The following GRID2 variants were observed in gnomAD, a reference collection of about 807,000 sequenced individuals.
The protein encoded by GRID2 is glutamate receptor ionotropic, delta-2.
Under a neutral mutation model 114.8 loss-of-function variants are expected in GRID2, and 33 were observed. The ratio of observed to expected loss-of-function variants is 0.29; its 90% CI spans 0.22 to 0.38. The LOEUF is 0.38. GRID2 is among the 10% of genes least tolerant of loss of function. The probability of loss-of-function intolerance (pLI) is 1.00; values close to 1 mark genes in which losing one functional copy is unlikely to be tolerated. For missense variants in GRID2, 1,184 were observed against 1,257.7 expected (o/e 0.94, Z 0.89); for synonymous variants, 505 against 449.9 (o/e 1.12, Z -1.55).
intron 2 of GRID2, among the ~76,000 whole-genome samples, chr4:93,072,546 AGTACTCTTGG>A (rs1003393508): frequency 1.5e-4 from 23 of 152,182 alleles, no homozygotes; most frequent in African/African-American, 5.5e-4. Context: ...GACCAGGCAT[AGTACTCTTGG>A]GCTTTAAGCA....
At chr4:93,775,127 T>C (rs547867170), downstream of GRID2, among the ~76,000 whole-genome samples, 22 of 136,090 alleles carry the variant, frequency 1.6e-4, no homozygotes, top group African/African-American at 5.5e-4. Context: ...AAAATGTATT[T>C]TGAAAACATA....
intron 2 of GRID2, among the ~76,000 whole-genome samples, chr4:92,949,859 G>C (rs1751902211): frequency 6.6e-6 from 1 of 151,906 alleles, no homozygotes; most frequent in African/African-American, 2.4e-5. Flanking sequence ...TTTTCTATCT[G>C]ATACTCTTCA....
intron 2 of GRID2, among the ~76,000 whole-genome samples, chr4:93,011,274 C>G (rs1200111248): frequency 1.3e-5 from 2 of 151,592 alleles, no homozygotes; most frequent in Non-Finnish European, 2.9e-5. Flanking sequence ...ATTTTCTGTT[C>G]ATTTTGAGGT....
chr4:93,742,909 C>T (rs1163975024), intron 14 of GRID2, among the ~76,000 whole-genome samples: 2 of 152,184 alleles, frequency 1.3e-5, no homozygotes, highest in East Asian at 3.8e-4. Flanking sequence ...ACACATGTCT[C>T]TCTCTTGAAT....
chr4:93,270,609 C>T (rs898415217), intron 8 of GRID2, among the ~76,000 whole-genome samples: 2 of 151,816 alleles, frequency 1.3e-5, no homozygotes, highest in Non-Finnish European at 2.9e-5. Context: ...GTATTTTCTT[C>T]TTCTTGTTTT....
intron 1 of GRID2, among the ~76,000 whole-genome samples, chr4:92,409,526 T>C (rs1464430950): frequency 6.6e-6 from 1 of 152,172 alleles, no homozygotes; most frequent in Non-Finnish European, 1.5e-5. Flanking sequence ...TAGGTAAATT[T>C]ATAAGTCACC....
Position 93,227,351 on chromosome 4 carries a change from C to A in GRID2, c.1125+2576C>A, listed in dbSNP as rs558858777. 3.3e-5 allele frequency among the ~76,000 whole-genome samples: 5 copies of A among 152,194 alleles called. No individual in the cohort carries two copies. In the East Asian group the frequency reaches 7.7e-4, roughly 24 times the overall value. On this transcript the variant is annotated intron_variant, in intron 7 of 15. Transcript: ENST00000282020. ...CAAGTGATTCTCCAGCCCCAGCCTC[C>A]TGAGTAGCTGGGACTACAGCCACAT...
In GRID2 at chr4:93,395,634, C is replaced by A. The variant is rs1425332559; in HGVS notation, c.1273C>A (p.Leu425Met). ...TGGTTGCTGGAATCCTGTCACAGGT[C>A]TGAATGGGTCACTGACTGACAAGAA... ...KLGCWNPVTG[L>M]NGSLTDKKLE... The change falls in exon 9 of 16, where the codon CTG becomes ATG. Residue 425 changes from leucine to methionine, a missense_variant. This residue lies in a region of GRID2 where 717 missense variants were observed against 796.9 expected (regional missense o/e 0.90). Transcript: ENST00000282020. 6.3e-7 allele frequency: 1 copy of A among 1,577,450 alleles called. No homozygotes were observed. Among genetic ancestry groups the A allele is most frequent in the Non-Finnish European group, 8.7e-7 (1 of 1,147,366 alleles).
At chr4:93,218,103 C>T (rs1389517637) in intron 6 of GRID2, among the ~76,000 whole-genome samples, 2 of 151,992 alleles carry the variant, frequency 1.3e-5, no homozygotes, top group Non-Finnish European at 2.9e-5. Flanking sequence ...TGCCATTTAT[C>T]CAACCATTTC....
intron 2 of GRID2, among the ~76,000 whole-genome samples, chr4:92,940,051 T>C (rs972451027): frequency 6.8e-6 from 1 of 147,224 alleles, no homozygotes; most frequent in African/African-American, 2.4e-5. Flanking sequence ...CGATGCAGGC[T>C]CTTTTTTGGT....
At chr4:92,884,062 A>T (rs1344688064) in intron 2 of GRID2, among the ~76,000 whole-genome samples, 1 of 152,186 alleles carries the variant, frequency 6.6e-6, no homozygotes, top group Non-Finnish European at 1.5e-5. Flanking sequence ...TATCTACACT[A>T]AAAATCGGTT....
At chr4:92,747,223 A>T (rs1737193963) in intron 2 of GRID2, among the ~76,000 whole-genome samples, 1 of 152,076 alleles carries the variant, frequency 6.6e-6, no homozygotes, top group Admixed American at 6.6e-5. Context: ...GTAATTATTT[A>T]TAAAAAAAGA....
intron 2 of GRID2, among the ~76,000 whole-genome samples, chr4:93,009,565 A>C (rs1257605757): frequency 3.3e-5 from 5 of 152,124 alleles, no homozygotes; most frequent in African/African-American, 1.2e-4. Context: ...TTGTGGGGCC[A>C]AAATCAGTAA....
intron 12 of GRID2, among the ~76,000 whole-genome samples, chr4:93,512,342 G>A (rs1729274999): frequency 6.6e-6 from 1 of 152,264 alleles, no homozygotes; most frequent in Non-Finnish European, 1.5e-5. Flanking sequence ...ATAGGCTACA[G>A]CATTTCTGCT....
chr4:92,836,814 A>G (rs1390750499), intron 2 of GRID2, among the ~76,000 whole-genome samples: 2 of 152,178 alleles, frequency 1.3e-5, no homozygotes, highest in African/African-American at 4.8e-5. Context: ...CACATAGACT[A>G]CAAAATAGTC....
intron 11 of GRID2, among the ~76,000 whole-genome samples, chr4:93,473,566 C>G (rs1725043446): frequency 1.3e-5 from 2 of 151,938 alleles, no homozygotes; most frequent in Non-Finnish European, 1.5e-5. Context: ...TAAAAATTAC[C>G]TAAATCATTT....
intron 1 of GRID2, among the ~76,000 whole-genome samples, chr4:92,548,518 T>C (rs749124067): frequency 2.4e-4 from 36 of 149,684 alleles, no homozygotes; most frequent in Non-Finnish European, 3.8e-4. Flanking sequence ...TCTCCTGCCT[T>C]AGCCTCCCAA....
chr4:92,495,247 C>T (rs1723331112), intron 1 of GRID2, among the ~76,000 whole-genome samples: 1 of 151,992 alleles, frequency 6.6e-6, no homozygotes, highest in East Asian at 1.9e-4. Context: ...TATAACCTTC[C>T]CAGTAGGTTT....
intron 2 of GRID2, among the ~76,000 whole-genome samples, chr4:92,933,160 TAC>T (rs767707383): frequency 4.5e-4 from 68 of 150,036 alleles, no homozygotes; most frequent in African/African-American, 8.5e-4. Context: ...TATATATATA[TAC>T]ACATATATAT....
Sources: gnomAD v4.1 joint callset for allele counts (sites outside exome capture counted in the v4.1 genomes callset) on GRCh38, gnomAD v4.1.1 for gene constraint, gnomAD v4.1.1 regional missense constraint, MANE v1.5 for transcripts, NCBI Gene and HGNC (gene_info 2026-07-23, HGNC 2026-07-21) for gene names.